Variants in LRFN3 observed in about 807,000 individuals in gnomAD.
LRFN3 encodes leucine rich repeat and fibronectin type III domain containing 3.
Under a neutral mutation model 23.8 loss-of-function variants are expected in LRFN3, and 8 were observed. That is an observed-to-expected ratio of 0.34 (90% CI 0.20 to 0.61). LRFN3 has a LOEUF of 0.61. Among genes scored for constraint, LRFN3 ranks in the 20% least tolerant of loss-of-function variants. LRFN3 has a pLI of 0.80. For synonymous variants in LRFN3, 451 were observed against 450.6 expected (o/e 1.00, Z -0.01); for missense variants, 736 against 935.3 (o/e 0.79, Z 2.78).
In LRFN3 at chr19:35,939,265, C is replaced by T. The variant is rs1955806634; in HGVS notation, c.-16-145C>T. 2.4e-6 allele frequency: 2 copies of T among 845,470 alleles called. No individual in the cohort carries two copies. Among genetic ancestry groups the T allele is most frequent in the Admixed American group, 2.9e-5 (1 of 34,398 alleles). 52.4% of individuals were successfully genotyped at this position (845,470 alleles called of 1,614,324 possible). On this transcript the variant is annotated intron_variant, in intron 1 of 2. Coordinates refer to ENST00000246529, the MANE Select transcript of LRFN3 (RefSeq NM_024509.2). The surrounding 1 kb of genome is among the most constrained non-coding windows in gnomAD (Gnocchi z 6.4). The stretch of plus-strand genomic sequence containing the variant: ...ACATGTGTGAGCCACCGCGCCTGGC[C>T]TTCCTCTGGCTTTTGGTCACATCTG...
rs756382754 is a variant in LRFN3, at chr19:35,939,761, G to T, written c.336G>T (p.Leu112=). 6.2e-7 allele frequency: 1 copy of T among 1,604,836 alleles called. No individual in the cohort carries two copies. Among genetic ancestry groups the T allele is most frequent in the South Asian group, 1.1e-5 (1 of 91,022 alleles). ...AFADLRALRA[L]HLDGNRLTSL... is the part of the protein sequence containing the mutation. The stretch of plus-strand genomic sequence containing the variant: ...CCGACCTGCGGGCCCTGCGTGCCCT[G>T]CACCTGGATGGCAACCGGCTGACCT... The change falls in exon 2 of 3, where the codon CTG becomes CTT. Residue 112 remains leucine (L), a synonymous_variant. Coordinates refer to ENST00000246529, the MANE Select transcript of LRFN3 (RefSeq NM_024509.2). This position sits in a 1 kb window ranked among gnomAD's most constrained non-coding sequence, Gnocchi z 6.4.
rs1295548868 is a variant in LRFN3, at chr19:35,940,652, C to T, written c.1227C>T (p.Thr409=). Residue 409 remains threonine (T), a synonymous_variant, in exon 2 of 3, where the codon ACC becomes ACT. Transcript: ENST00000246529. ...GGGACGGGGATCCTGATGCTCTCAC[C>T]CCACCCTCCGCTGCCTCTGCTTCTG... ...PPRDGDPDAL[T]PPSAASASAK... is the part of the protein sequence containing the mutation. 6.2e-7 allele frequency: 1 copy of T among 1,612,214 alleles called. No individual in the cohort carries two copies. Among genetic ancestry groups the T allele is most frequent in the Non-Finnish European group, 8.5e-7 (1 of 1,179,106 alleles).
Position 35,945,074 on chromosome 19 carries a change from C to T in LRFN3, c.*55C>T. 2 of 1,103,980 alleles carry T rather than the reference C, an allele frequency of 1.8e-6. No homozygotes were observed. The highest frequency in any genetic ancestry group is 3.9e-5 in the South Asian group (2 of 51,326). 68.4% of individuals were successfully genotyped at this position (1,103,980 alleles called of 1,614,324 possible). ...GGCCCCACGGACAGCAGGACCCGGA[C>T]ACCCTGTGGGACCTGGCCTCAAACT... On this transcript the variant is annotated 3_prime_UTR_variant, in exon 3 of 3. Transcript: ENST00000246529.
At position 35,944,869 on chromosome 19, in the gene LRFN3, TAGC is replaced by T. The variant is rs775331852; in HGVS notation, c.1741_1743del (p.Ser581del). 6.3e-6 allele frequency: 10 copies of T among 1,599,144 alleles called. No homozygotes were observed. The highest frequency in any genetic ancestry group is 1.3e-5 in the African/African-American group (1 of 74,884). ...GCAAGGCCAAGATTCCCGCGCCTGTTAGCAGCGTTTGCTCCCAGACCAACGGCG... is the reference window on the plus strand; with the variant it reads ...GCAAGGCCAAGATTCCCGCGCCTGTTAGCGTTTGCTCCCAGACCAACGGCG... On this transcript the variant is annotated inframe_deletion, in exon 3 of 3. Transcript: ENST00000246529. The surrounding 1 kb of genome is among the most constrained non-coding windows in gnomAD (Gnocchi z 4.5).
Position 35,940,279 on chromosome 19 carries a change from C to T in LRFN3, c.854C>T (p.Ala285Val), listed in dbSNP as rs1305191536. Reference protein sequence around the residue: ...PPALGGRYFWAVGEEEFVCEP... With the variant: ...PPALGGRYFWVVGEEEFVCEP... ...GCTCTGGGCGGCCGCTACTTCTGGG[C>T]GGTGGGCGAGGAGGAGTTTGTCTGC... Residue 285 changes from alanine (A) to valine (V), a missense_variant, in exon 2 of 3, where the codon GCG becomes GTG. By Grantham distance (64) the Ala-to-Val change is moderately conservative. Coordinates refer to ENST00000246529, the MANE Select transcript of LRFN3 (RefSeq NM_024509.2). 2 of 1,601,074 alleles carry T rather than the reference C, an allele frequency of 1.2e-6. No individual in the cohort carries two copies. The highest frequency in any genetic ancestry group is 8.5e-7 in the Non-Finnish European group (1 of 1,176,622).
At chr19:35,941,488 A>G (rs1175333088) in intron 2 of LRFN3, among the ~76,000 whole-genome samples, 1 of 152,206 alleles carries the variant, frequency 6.6e-6, no homozygotes, top group Non-Finnish European at 1.5e-5. Flanking sequence ...AGGAAATTGC[A>G]GGGAGGAGGT....
In LRFN3 at chr19:35,939,893, G is replaced by A; in HGVS notation, c.468G>A (p.Glu156=). 1 of 1,602,040 alleles carries A rather than the reference G, an allele frequency of 6.2e-7. No homozygotes were observed. ...CCGGCGCCCTGGATGATTGTGCCGAGACACTGGAGGACCTCGACCTCTCCT... is the reference window on the plus strand; with the variant it reads ...CCGGCGCCCTGGATGATTGTGCCGAAACACTGGAGGACCTCGACCTCTCCT... ...LAAGALDDCA[E]TLEDLDLSYN... The change falls in exon 2 of 3, where the codon GAG becomes GAA. Residue 156 remains glutamate (E), a synonymous_variant. Transcript: ENST00000246529. The surrounding 1 kb of genome is among the most constrained non-coding windows in gnomAD (Gnocchi z 6.4).
In LRFN3 at chr19:35,939,621, C is replaced by T; in HGVS notation, c.196C>T (p.Leu66=). The T allele has an allele frequency of 6.2e-7, 1 of 1,609,248 alleles. No homozygotes were observed. ...GGACCGCCGGGCAGCCGAGCTGCGG[C>T]TGGCAGACAACTTCATCGCCTCCGT... ...SLDRRAAELR[L]ADNFIASVRR... is the part of the protein sequence containing the mutation. Residue 66 remains leucine, a synonymous_variant, in exon 2 of 3, where the codon CTG becomes TTG. Transcript: ENST00000246529. This position sits in a 1 kb window ranked among gnomAD's most constrained non-coding sequence, Gnocchi z 6.4.
chr19:35,940,843 G>A lies in LRFN3; in HGVS notation c.1415+3G>A. 1 of 1,551,456 alleles carries A rather than the reference G, an allele frequency of 6.4e-7. No individual in the cohort carries two copies. Among genetic ancestry groups the A allele is most frequent in the Non-Finnish European group, 8.8e-7 (1 of 1,142,724 alleles). On this transcript the variant is annotated splice_donor_region_variant and intron_variant, in intron 2 of 2. Transcript: ENST00000246529. ...GCTGATGACATCCTCGTCTACAGGT[G>A]CAGGGTCCAGGCACTGGGGTAGCTT...
In LRFN3 at chr19:35,940,287, G is replaced by T. The variant is rs1015293548; in HGVS notation, c.862G>T (p.Glu288Ter). ...CGGCCGCTACTTCTGGGCGGTGGGC[G>T]AGGAGGAGTTTGTCTGCGAGCCGCC... ...LGGRYFWAVG[E>*]EEFVCEPPVV... The change falls in exon 2 of 3, where the codon GAG (glutamate) becomes TAG (stop). Residue 288 changes from glutamate (E) to a stop codon, truncating the protein, a stop_gained. Coordinates refer to ENST00000246529, the MANE Select transcript of LRFN3 (RefSeq NM_024509.2). LOFTEE classifies it high-confidence loss of function. 1 of 1,599,270 alleles carries T rather than the reference G, an allele frequency of 6.3e-7. No homozygotes were observed.
chr19:35,941,369 A>G (rs2145301318), intron 2 of LRFN3, among the ~76,000 whole-genome samples: 1 of 152,320 alleles, frequency 6.6e-6, no homozygotes, highest in East Asian at 1.9e-4. Context: ...AGGACTAGAT[A>G]CTAGCTGGGC....
intron 2 of LRFN3, among the ~76,000 whole-genome samples, chr19:35,941,569 C>T (rs891444799): frequency 2.0e-5 from 3 of 152,046 alleles, no homozygotes; most frequent in Non-Finnish European, 4.4e-5. Context: ...ATAGTGACAT[C>T]CAGATTTTTT....
rs1472073867 is a variant in LRFN3, at chr19:35,937,361, A to T, written c.-211A>T. On this transcript the variant is annotated 5_prime_UTR_variant, in exon 1 of 3. Coordinates refer to ENST00000246529, the MANE Select transcript of LRFN3 (RefSeq NM_024509.2). Reference sequence around the variant, plus strand: ...CCGTAAAACTGGACCCTAGAGGCCCAATATTTAGGGGTCTGGAACCCCGAG... The same window carrying T: ...CCGTAAAACTGGACCCTAGAGGCCCTATATTTAGGGGTCTGGAACCCCGAG... The T allele has an allele frequency of 2.0e-5, 3 of 152,338 alleles. No individual in the cohort carries two copies. Among genetic ancestry groups the T allele is most frequent in the Non-Finnish European group, 4.4e-5 (3 of 68,082 alleles). 9.4% of individuals were successfully genotyped at this position (152,338 alleles called of 1,614,324 possible).
chr19:35,945,255 G>A lies in LRFN3; in HGVS notation c.*236G>A. The A allele has an allele frequency of 2.5e-6, 1 of 398,034 alleles. No homozygotes were observed. The highest frequency in any genetic ancestry group is 4.1e-5 in the East Asian group (1 of 24,242). 24.7% of individuals were successfully genotyped at this position (398,034 alleles called of 1,614,324 possible). A position where few individuals can be genotyped will look rare whatever the true frequency, so the allele number is the denominator to read the frequency against. ...GGGACGGAGCAGGGGTCTGGAGCTGGGGAATGCCTCCTTTGGGGAGACACC... is the reference window on the plus strand; with the variant it reads ...GGGACGGAGCAGGGGTCTGGAGCTGAGGAATGCCTCCTTTGGGGAGACACC... On this transcript the variant is annotated 3_prime_UTR_variant, in exon 3 of 3. Coordinates refer to ENST00000246529, the MANE Select transcript of LRFN3 (RefSeq NM_024509.2).
Position 35,945,029 on chromosome 19 carries a change from C to G in LRFN3, c.*10C>G. On this transcript the variant is annotated 3_prime_UTR_variant, in exon 3 of 3. Coordinates refer to ENST00000246529, the MANE Select transcript of LRFN3 (RefSeq NM_024509.2). ...ACCTGTGGGACCCTAGCCAGGCGCC[C>G]CCCCCTCTAAGGGTCCTCTGGCCCC... The G allele has an allele frequency of 7.3e-7, 1 of 1,361,638 alleles. No homozygotes were observed. Among genetic ancestry groups the G allele is most frequent in the Non-Finnish European group, 9.4e-7 (1 of 1,061,250 alleles). The allele number at this position is 1,361,638 out of a possible 1,614,324, so 84.3% of individuals were successfully genotyped here.
Position 35,940,697 on chromosome 19 carries a change from G to A in LRFN3, c.1272G>A (p.Gly424=). ...CTTCTGCCAAGGTGGCCGACACTGG[G>A]CCCCCTACCGACCGTGGCGTCCAGG... ...ASASAKVADT[G]PPTDRGVQVT... The change falls in exon 2 of 3, where the codon GGG becomes GGA. Residue 424 remains glycine (G), a synonymous_variant. Coordinates refer to ENST00000246529, the MANE Select transcript of LRFN3 (RefSeq NM_024509.2). 1 of 1,613,444 alleles carries A rather than the reference G, an allele frequency of 6.2e-7. No individual in the cohort carries two copies. The highest frequency in any genetic ancestry group is 8.5e-7 in the Non-Finnish European group (1 of 1,179,922).
chr19:35,939,489 T>C lies in LRFN3; in HGVS notation c.64T>C (p.Ser22Pro). 1 of 1,603,184 alleles carries C rather than the reference T, an allele frequency of 6.2e-7. No homozygotes were observed. The highest frequency in any genetic ancestry group is 1.1e-5 in the South Asian group (1 of 90,856). ...PLAPASSPPQ[S>P]ATPSPCPRRC... ...GGCCCCTGCCTCATCCCCACCCCAG[T>C]CAGCCACACCCAGCCCATGTCCCCG... The change falls in exon 2 of 3, where the codon TCA becomes CCA. Residue 22 changes from serine to proline, a missense_variant. Transcript: ENST00000246529. The surrounding 1 kb of genome is among the most constrained non-coding windows in gnomAD (Gnocchi z 6.4).
In LRFN3 at chr19:35,939,848, C is replaced by T; in HGVS notation, c.423C>T (p.Asn141=). Residue 141 remains asparagine, a synonymous_variant, in exon 2 of 3, where the codon AAC becomes AAT. Coordinates refer to ENST00000246529, the MANE Select transcript of LRFN3 (RefSeq NM_024509.2). The surrounding 1 kb of genome is among the most constrained non-coding windows in gnomAD (Gnocchi z 6.4). Reference sequence around the variant, plus strand: ...TGCGCCACCTCATCCTCAGCAACAACCAGCTGGCAGCGCTGGCGGCCGGCG... The same window carrying T: ...TGCGCCACCTCATCCTCAGCAACAATCAGCTGGCAGCGCTGGCGGCCGGCG... The part of the protein sequence containing the change: ...VNLRHLILSN[N]QLAALAAGAL... 2.5e-6 allele frequency: 4 copies of T among 1,602,084 alleles called. No individual in the cohort carries two copies. The highest frequency in any genetic ancestry group is 2.2e-5 in the East Asian group (1 of 44,864).
In LRFN3 at chr19:35,936,434, C is replaced by T. The variant is rs1976055729; in HGVS notation, c.-1138C>T. ...GAGGAGGCCGCGGGAGCGCCTGGACCCGGCCCGCCCAGCCCGGCCCCCGCC... is the reference window on the plus strand; with the variant it reads ...GAGGAGGCCGCGGGAGCGCCTGGACTCGGCCCGCCCAGCCCGGCCCCCGCC... On this transcript the variant is annotated 5_prime_UTR_variant, in exon 1 of 3. Transcript: ENST00000246529. Among the ~76,000 whole-genome samples the T allele has an allele frequency of 6.6e-6, 1 of 150,856 alleles. No individual in the cohort carries two copies. Among genetic ancestry groups the T allele is most frequent in the Non-Finnish European group, 1.5e-5 (1 of 67,670 alleles).
Sources: gnomAD v4.1 joint callset for allele counts (sites outside exome capture counted in the v4.1 genomes callset) on GRCh38, gnomAD v4.1.1 for gene constraint, Gnocchi (gnomAD v3.1) non-coding constraint, MANE v1.5 for transcripts, NCBI Gene and HGNC (gene_info 2026-07-23, HGNC 2026-07-21) for gene names.